SGCZ: variants seen among roughly 807,000 people sequenced by gnomAD.
SGCZ encodes the protein sarcoglycan zeta.
Under a neutral mutation model 41.3 loss-of-function variants are expected in SGCZ, and 40 were observed. That is an observed-to-expected ratio of 0.97 (90% CI 0.75 to 1.26). The LOEUF (loss-of-function observed/expected upper bound fraction) is 1.26. Ranked by LOEUF, SGCZ falls within the 50% of genes most tolerant of loss-of-function variation. The probability of loss-of-function intolerance (pLI) is 0.00; values close to 1 mark genes in which losing one functional copy is unlikely to be tolerated. For missense variants in SGCZ, 552 were observed against 369.8 expected (o/e 1.49, Z -4.04); for synonymous variants, 206 against 137.5 (o/e 1.50, Z -3.49).
At chr8:14,612,337 C>T (rs1805956938) in intron 1 of SGCZ, among the ~76,000 whole-genome samples, 1 of 152,160 alleles carries the variant, frequency 6.6e-6, no homozygotes, top group African/African-American at 2.4e-5. Flanking sequence ...GCATTTCCCT[C>T]TGTCCTCTCA....
chr8:14,543,752 T>C (rs955949760), intron 2 of SGCZ, among the ~76,000 whole-genome samples: 2 of 152,116 alleles, frequency 1.3e-5, no homozygotes, highest in African/African-American at 4.8e-5. Flanking sequence ...TATAAAATAA[T>C]AAATGAATAA....
intron 1 of SGCZ, among the ~76,000 whole-genome samples, chr8:15,087,256 C>G (rs1805984178): frequency 6.6e-6 from 1 of 152,012 alleles, no homozygotes; most frequent in South Asian, 2.1e-4. Context: ...AAATCTACTA[C>G]AGTAGATTTT....
chr8:14,449,501 T>C (rs1266890995), intron 2 of SGCZ, among the ~76,000 whole-genome samples: 1 of 152,176 alleles, frequency 6.6e-6, no homozygotes, highest in East Asian at 1.9e-4. Flanking sequence ...GACATAATCA[T>C]GTTCCAATGT....
At chr8:14,622,620 G>C (rs1806323553) in intron 1 of SGCZ, among the ~76,000 whole-genome samples, 1 of 152,114 alleles carries the variant, frequency 6.6e-6, no homozygotes, top group African/African-American at 2.4e-5. Context: ...AGATGTTTTA[G>C]AAGCCAGCTT....
chr8:14,436,547 T>G (rs1277509280), intron 2 of SGCZ, among the ~76,000 whole-genome samples: 1 of 152,104 alleles, frequency 6.6e-6, no homozygotes, highest in Non-Finnish European at 1.5e-5. Context: ...TTTACTTGAG[T>G]TGTCATTTGC....
At chr8:14,616,621 A>AG (rs1322831411) in intron 1 of SGCZ, among the ~76,000 whole-genome samples, 1 of 152,140 alleles carries the variant, frequency 6.6e-6, no homozygotes, top group African/African-American at 2.4e-5. Context: ...AAACTTGGTG[A>AG]GGGAGAATTC....
At chr8:14,560,335 CATAT>C (rs56123932) in intron 1 of SGCZ, among the ~76,000 whole-genome samples, 2 of 151,058 alleles carry the variant, frequency 1.3e-5, no homozygotes, top group African/African-American at 2.4e-5. Context: ...ATATATACAA[CATAT>C]ATATATATGT....
At chr8:14,181,368 T>C (rs955742506) in intron 4 of SGCZ, among the ~76,000 whole-genome samples, 3 of 152,224 alleles carry the variant, frequency 2.0e-5, no homozygotes, top group African/African-American at 7.2e-5. Context: ...GCTTTTCTAA[T>C]GACAGAACTA....
intron 1 of SGCZ, among the ~76,000 whole-genome samples, chr8:15,079,009 A>G (rs1366009179): frequency 6.6e-6 from 1 of 152,128 alleles, no homozygotes. Flanking sequence ...GTTTCAAATT[A>G]TATCTTTGAG....
intron 1 of SGCZ, among the ~76,000 whole-genome samples, chr8:14,816,708 CAGA>C (rs1486129143): frequency 1.3e-5 from 2 of 152,150 alleles, no homozygotes; most frequent in Non-Finnish European, 2.9e-5. Context: ...AAGTCTCCAA[CAGA>C]AGAAGTATAC....
chr8:14,360,617 C>A (rs780907081), intron 2 of SGCZ, among the ~76,000 whole-genome samples: 1 of 150,526 alleles, frequency 6.6e-6, no homozygotes, highest in African/African-American at 2.5e-5. Flanking sequence ...TGAGTCACCG[C>A]GCCTGGCTGT....
intron 5 of SGCZ, among the ~76,000 whole-genome samples, chr8:14,126,468 AAAAAC>A (rs71209013): frequency 1.3e-4 from 20 of 151,602 alleles, no homozygotes; most frequent in Admixed American, 5.9e-4. Flanking sequence ...ATTAAAAAGT[AAAAAC>A]AAAACAAAAC....
intron 1 of SGCZ, among the ~76,000 whole-genome samples, chr8:15,165,560 C>T (rs911917989): frequency 6.6e-6 from 1 of 152,176 alleles, no homozygotes; most frequent in South Asian, 2.1e-4. Context: ...AGAAGCCATA[C>T]CTTGGCTGCA....
chr8:14,973,764 C>G lies in SGCZ; in HGVS notation c.39+263821G>C, dbSNP rs1028001482. 4.6e-5 allele frequency among the ~76,000 whole-genome samples: 7 copies of G among 152,124 alleles called. No individual in the cohort carries two copies. In the East Asian group the frequency reaches 9.6e-4, roughly 21 times the overall value. On this transcript the variant is annotated intron_variant, in intron 1 of 7. Transcript: ENST00000382080. ...GGGTATTTTTATCTGAAAGACGACA[C>G]GTTTTGGTAACAAGTCCTCTTTATT...
chr8:14,747,356 T>C (rs1206717480), intron 1 of SGCZ, among the ~76,000 whole-genome samples: 1 of 152,094 alleles, frequency 6.6e-6, no homozygotes, highest in Non-Finnish European at 1.5e-5. Context: ...GATTTAAAAA[T>C]CTGGAGTTAC....
intron 1 of SGCZ, among the ~76,000 whole-genome samples, chr8:15,026,087 A>C (rs2130950658): frequency 6.6e-6 from 1 of 152,154 alleles, no homozygotes; most frequent in South Asian, 2.1e-4. Context: ...TAGACTATTT[A>C]CTTTGACTTC....
intron 1 of SGCZ, among the ~76,000 whole-genome samples, chr8:14,587,256 T>C (rs1369004249): frequency 6.6e-6 from 1 of 151,652 alleles, no homozygotes; most frequent in African/African-American, 2.4e-5. Context: ...TAGTAGAAGA[T>C]ATAGCCAGAT....
intron 2 of SGCZ, among the ~76,000 whole-genome samples, chr8:14,398,021 G>A (rs1798967582): frequency 6.6e-6 from 1 of 152,070 alleles, no homozygotes; most frequent in African/African-American, 2.4e-5. Flanking sequence ...TAATGGTTCA[G>A]ACCATCAACT....
At chr8:14,601,678 T>C (rs1215253650) in intron 1 of SGCZ, among the ~76,000 whole-genome samples, 3 of 152,214 alleles carry the variant, frequency 2.0e-5, no homozygotes, top group Non-Finnish European at 4.4e-5. Context: ...CAGAAAGTTT[T>C]TCTTTTCCTC....
Sources: allele counts gnomAD v4.1 joint callset (sites outside exome capture counted in the v4.1 genomes callset), GRCh38; gene constraint gnomAD v4.1.1; transcripts MANE v1.5; gene names NCBI Gene and HGNC (gene_info 2026-07-23, HGNC 2026-07-21).